Variants in CDH13 observed in about 807,000 individuals in gnomAD.
CDH13 encodes cadherin 13, also known as cadherin-13.
CDH13 carries 24 observed loss-of-function variants against 63.8 expected under a neutral mutation model. That is an observed-to-expected ratio of 0.38 (90% CI 0.27 to 0.53). The LOEUF is 0.53. Ranked by LOEUF, CDH13 falls within the 20% of genes least tolerant of loss-of-function variation. CDH13 has a pLI of 0.85. For missense variants in CDH13, 1,049 were observed against 903.1 expected (o/e 1.16, Z -2.07); for synonymous variants, 503 against 355.3 (o/e 1.42, Z -4.67).
chr16:83,218,306 C>T (rs749733475), intron 5 of CDH13, among the ~76,000 whole-genome samples: 3 of 152,168 alleles, frequency 2.0e-5, no homozygotes, highest in Non-Finnish European at 4.4e-5. Flanking sequence ...AGAACCCTTA[C>T]TGGGCAATGC....
intron 3 of CDH13, among the ~76,000 whole-genome samples, chr16:83,062,930 T>G (rs536332177): frequency 6.6e-6 from 1 of 151,948 alleles, no homozygotes; most frequent in South Asian, 2.1e-4. Context: ...GTCTCCCTCA[T>G]AGCTAATCAG....
intron 8 of CDH13, among the ~76,000 whole-genome samples, chr16:83,625,969 G>A (rs1008109337): frequency 6.6e-6 from 1 of 151,706 alleles, no homozygotes; most frequent in African/African-American, 2.4e-5. Context: ...GATGCAGCAA[G>A]CAACACTGTC....
At chr16:83,602,304 C>T (rs892805469) in intron 7 of CDH13, 150 bp from the exon 8 acceptor site, 19 of 792,832 alleles carry the variant, frequency 2.4e-5, no homozygotes, top group Middle Eastern at 7.1e-4. Context: ...CACATTTATA[C>T]ACAATAGGTA....
chr16:83,086,217 C>G (rs1270092492), intron 3 of CDH13, among the ~76,000 whole-genome samples: 5 of 152,190 alleles, frequency 3.3e-5, no homozygotes, highest in African/African-American at 1.2e-4. Flanking sequence ...CAGACAGAGT[C>G]TTGAGACTAC....
At chr16:82,879,974 A>G (rs1298583187) in intron 2 of CDH13, among the ~76,000 whole-genome samples, 2 of 146,498 alleles carry the variant, frequency 1.4e-5, no homozygotes, top group African/African-American at 2.5e-5. Context: ...TTATATATAG[A>G]TCCATACAGA....
chr16:83,224,447 A>G (rs1441458064), intron 5 of CDH13, among the ~76,000 whole-genome samples: 8 of 152,240 alleles, frequency 5.3e-5, no homozygotes, highest in Non-Finnish European at 1.2e-4. Flanking sequence ...AAAGGCAGGT[A>G]ACAGGCTTAC....
At chr16:82,743,175 C>A (rs951373848) in intron 1 of CDH13, among the ~76,000 whole-genome samples, 1 of 152,112 alleles carries the variant, frequency 6.6e-6, no homozygotes, top group Non-Finnish European at 1.5e-5. Flanking sequence ...ATCTTCTGGG[C>A]AAAACCAGTT....
At chr16:82,776,636 C>T (rs867004323) in intron 1 of CDH13, among the ~76,000 whole-genome samples, 4 of 152,194 alleles carry the variant, frequency 2.6e-5, no homozygotes, top group Admixed American at 6.5e-5. Flanking sequence ...GGAAGTTAAA[C>T]GCATGTTCTG....
intron 4 of CDH13, among the ~76,000 whole-genome samples, chr16:83,129,892 T>C (rs940730269): frequency 2.6e-5 from 4 of 152,202 alleles, no homozygotes; most frequent in Non-Finnish European, 5.9e-5. Context: ...CTTCATTTCA[T>C]CCTCTGCTTT....
chr16:83,539,010 C>G (rs12927834), intron 7 of CDH13, among the ~76,000 whole-genome samples: 54,969 of 151,630 alleles, frequency 0.36, 11,150 homozygotes, highest in Non-Finnish European at 0.45. Context: ...TTTATTAAAC[C>G]AAGATTCATT....
At chr16:82,678,640 C>A (rs1235207307) in intron 1 of CDH13, among the ~76,000 whole-genome samples, 1 of 152,108 alleles carries the variant, frequency 6.6e-6, no homozygotes, top group African/African-American at 2.4e-5. Flanking sequence ...TTGGATCTTT[C>A]CTTGAAGCTA....
At chr16:83,733,879 C>T (rs890286536) in intron 10 of CDH13, among the ~76,000 whole-genome samples, 1 of 152,190 alleles carries the variant, frequency 6.6e-6, no homozygotes, top group South Asian at 2.1e-4. Flanking sequence ...TGGAACGTGA[C>T]CTGCAAGCAG....
intron 2 of CDH13, among the ~76,000 whole-genome samples, chr16:82,963,576 C>A (rs1321467668): frequency 6.6e-6 from 1 of 152,142 alleles, no homozygotes; most frequent in East Asian, 1.9e-4. Context: ...CCTTATATAA[C>A]TGTCATTATA....
intron 1 of CDH13, among the ~76,000 whole-genome samples, chr16:82,732,710 C>G (rs927704654): frequency 6.6e-6 from 1 of 152,184 alleles, no homozygotes; most frequent in Non-Finnish European, 1.5e-5. Context: ...TATCTAACCA[C>G]TGATTTCCAA....
At chr16:83,531,195 T>A (rs1264477504) in intron 7 of CDH13, among the ~76,000 whole-genome samples, 1 of 152,244 alleles carries the variant, frequency 6.6e-6, no homozygotes, top group African/African-American at 2.4e-5. Context: ...TCAGGTGATA[T>A]CTGTAATCTT....
intron 2 of CDH13, among the ~76,000 whole-genome samples, chr16:82,891,120 T>G (rs2041066786): frequency 6.6e-6 from 1 of 151,706 alleles, no homozygotes; most frequent in African/African-American, 2.4e-5. Context: ...CATGTCATAC[T>G]GCCCCAGCCT....
intron 6 of CDH13, among the ~76,000 whole-genome samples, chr16:83,436,211 C>T (rs1278503297): frequency 3.3e-5 from 5 of 152,152 alleles, no homozygotes; most frequent in Non-Finnish European, 5.9e-5. Context: ...GGGAACAATG[C>T]AACAAATGAC....
intron 6 of CDH13, among the ~76,000 whole-genome samples, chr16:83,345,659 A>ATTTTTTT (rs2090824179): frequency 6.6e-6 from 1 of 151,946 alleles, no homozygotes. Context: ...TTTTGCCCCA[A>ATTTTTTT]TACATACAAA....
At chr16:82,989,573 C>G (rs927878166) in intron 2 of CDH13, among the ~76,000 whole-genome samples, 3 of 152,220 alleles carry the variant, frequency 2.0e-5, no homozygotes, top group Non-Finnish European at 4.4e-5. Context: ...GGCACCTTCT[C>G]TAGGCCCAGA....
Sources: gnomAD v4.1 joint callset for allele counts (sites outside exome capture counted in the v4.1 genomes callset) on GRCh38, gnomAD v4.1.1 for gene constraint, MANE v1.5 for transcripts, NCBI Gene and HGNC (gene_info 2026-07-23, HGNC 2026-07-21) for gene names.